DPP9: variants seen among roughly 807,000 people sequenced by gnomAD.
DPP9 encodes dipeptidyl peptidase 9.
In DPP9, 50 loss-of-function variants were observed where a neutral mutation model predicts 110.7. The observed-to-expected ratio is 0.45, with a 90% CI of 0.36 to 0.57. The LOEUF (loss-of-function observed/expected upper bound fraction) is 0.57. DPP9 is among the 20% of genes least tolerant of loss of function. The pLI is 0.00. For missense variants in DPP9, 1,022 were observed against 1,217.9 expected, an observed-to-expected ratio of 0.84 and a Z score of 2.39; for synonymous variants, 561 against 514.4, an observed-to-expected ratio of 1.09 and a Z score of -1.23.
intron 4 of DPP9, among the ~76,000 whole-genome samples, chr19:4,707,568 C>G (rs147300361): frequency 6.7e-6 from 1 of 148,256 alleles, no homozygotes; most frequent in Non-Finnish European, 1.5e-5. Context: ...GACGAAGCCT[C>G]GGATTGGTGC....
rs1474326903 is a variant in DPP9 at position 4,723,671 on chromosome 19, C to T, written c.-89+3G>A. The stretch of plus-strand genomic sequence containing the variant: ...CGGGACGAGGCGCGCGGGCGCTGCT[C>T]ACCGGGACGTGGGGCGGCGGCCGGA... On this transcript the variant is annotated splice_donor_region_variant and intron_variant, in intron 1 of 21. Coordinates refer to ENST00000262960, the MANE Select transcript of DPP9 (RefSeq NM_139159.5). 6.4e-6 allele frequency: 1 copy of T among 157,266 alleles called. No individual in the cohort carries two copies. The highest frequency in any genetic ancestry group is 1.4e-5 in the Non-Finnish European group (1 of 71,412). 9.7% of individuals were successfully genotyped at this position (157,266 alleles called of 1,614,324 possible).
chr19:4,683,068 G>A (rs768914910), intron 19 of DPP9: 182 of 1,489,140 alleles, frequency 1.2e-4, no homozygotes, highest in East Asian at 1.3e-4. Flanking sequence ...CCTCCCCGCC[G>A]CCGCAGAGGG....
intron 10 of DPP9, among the ~76,000 whole-genome samples, chr19:4,699,545 G>A (rs939148048): frequency 1.3e-5 from 2 of 152,168 alleles, no homozygotes; most frequent in African/African-American, 2.4e-5. Context: ...GGCTACGGAG[G>A]AGGGGGCCGA....
intron 9 of DPP9, among the ~76,000 whole-genome samples, chr19:4,701,434 C>T (rs2092247861): frequency 6.6e-6 from 1 of 152,150 alleles, no homozygotes; most frequent in Non-Finnish European, 1.5e-5. Context: ...CACCACTGTA[C>T]TCCTGCCTGA....
rs2088836242 is a variant in DPP9 at position 4,676,431 on chromosome 19, C to T, written c.*133G>A. ...GTCGGGGCGGTGAAGGCAGCGGCTC[C>T]TCGGGGCTGGCCAGCGCTGGGCGGG... is the stretch of plus-strand genomic sequence containing the variant. On this transcript the variant is annotated 3_prime_UTR_variant, in exon 22 of 22. Transcript: ENST00000262960. The surrounding 1 kb of genome is among the most constrained non-coding windows in gnomAD (Gnocchi z 4.0). 3 of 754,088 alleles carry T rather than the reference C, an allele frequency of 4.0e-6. No individual in the cohort carries two copies. Among genetic ancestry groups the T allele is most frequent in the South Asian group, 1.6e-5 (1 of 62,792 alleles). 46.7% of individuals were successfully genotyped at this position (754,088 alleles called of 1,614,324 possible).
chr19:4,703,655 TG>T (rs1390941100), intron 7 of DPP9, among the ~76,000 whole-genome samples: 2 of 145,616 alleles, frequency 1.4e-5, no homozygotes, highest in Admixed American at 6.9e-5. Flanking sequence ...CACTCCCACA[TG>T]GGTGAGACTC....
intron 11 of DPP9, 39 bp downstream of exon 11, chr19:4,697,507 GGCCCT>G (rs1350178866): frequency 1.5e-5 from 24 of 1,556,674 alleles, no homozygotes; most frequent in Admixed American, 1.0e-4. Context: ...CAGGGCCCAG[GGCCCT>G]GCAGGTGAAT....
At chr19:4,702,751 G>A in intron 7 of DPP9, 35 bp from the exon 8 acceptor site, 1 of 1,445,996 alleles carries the variant, frequency 6.9e-7, no homozygotes, top group Non-Finnish European at 9.4e-7. Flanking sequence ...AACAAGGGGT[G>A]AGCAGCCTGC....
chr19:4,694,787 C>G lies in DPP9; in HGVS notation c.1390G>C (p.Gly464Arg), dbSNP rs2091644969. 2 of 1,613,754 alleles carry G rather than the reference C, an allele frequency of 1.2e-6. No homozygotes were observed. Among genetic ancestry groups the G allele is most frequent in the Admixed American group, 3.3e-5 (2 of 59,984 alleles). ...DIFYPFPQSE[G>R]EDELCFLRAN... ...CGGAGAAAGCAGAGCTCGTCCTCTCCCTCTGATTGGGGGAAGGGATAGAAG... is the reference window on the plus strand; with the variant it reads ...CGGAGAAAGCAGAGCTCGTCCTCTCGCTCTGATTGGGGGAAGGGATAGAAG... The change falls in exon 13 of 22, where the codon GGA becomes CGA. Residue 464 changes from glycine to arginine, a missense_variant. Around this residue, in one of 3 missense-constraint regions of DPP9, gnomAD observed 810 missense variants for 920.6 expected, o/e 0.88. Coordinates refer to ENST00000262960, the MANE Select transcript of DPP9 (RefSeq NM_139159.5). The surrounding 1 kb of genome is among the most constrained non-coding windows in gnomAD (Gnocchi z 4.0).
intron 11 of DPP9, among the ~76,000 whole-genome samples, chr19:4,696,889 C>A (rs1351041660): frequency 6.6e-6 from 1 of 152,144 alleles, no homozygotes; most frequent in Admixed American, 6.6e-5. Context: ...GAAAAGTGAA[C>A]AGGCTAAGAG....
intron 14 of DPP9, among the ~76,000 whole-genome samples, chr19:4,690,505 C>T (rs961104673): frequency 3.3e-5 from 5 of 152,218 alleles, no homozygotes; most frequent in Non-Finnish European, 7.3e-5. Flanking sequence ...CATCATGCCC[C>T]ACAACAAGGC....
chr19:4,685,468 A>G lies in DPP9; in HGVS notation c.2031+158T>C, dbSNP rs1341230545. The G allele has an allele frequency of 2.4e-6, 2 of 839,642 alleles. No individual in the cohort carries two copies. The highest frequency in any genetic ancestry group is 3.8e-6 in the Non-Finnish European group (2 of 527,676). The allele number at this position is 839,642 out of a possible 1,614,324, so 52.0% of individuals were successfully genotyped here. On this transcript the variant is annotated intron_variant, in intron 17 of 21. Transcript: ENST00000262960. The surrounding 1 kb of genome is among the most constrained non-coding windows in gnomAD (Gnocchi z 5.8). ...GAAAGGAGGGTGAGGGGCCCCGAGG[A>G]CCCTGTGTAGTCAGGGCAGGCGGGG...
At chr19:4,702,501 G>A (rs371935959) in intron 8 of DPP9, 102 bp downstream of exon 8, 1 of 853,192 alleles carries the variant, frequency 1.2e-6, no homozygotes. Context: ...AGACTGTGGA[G>A]GTGGTTTGAG....
At chr19:4,691,119 C>A (rs1358421684) in intron 13 of DPP9, among the ~76,000 whole-genome samples, 162 bp from the exon 14 acceptor site, 2 of 152,164 alleles carry the variant, frequency 1.3e-5, no homozygotes, top group African/African-American at 4.8e-5. Context: ...GTCAGACCTG[C>A]CACATGGGCA....
At chr19:4,721,065 C>G (rs1001041292) in intron 2 of DPP9, among the ~76,000 whole-genome samples, 1 of 152,086 alleles carries the variant, frequency 6.6e-6, no homozygotes, top group Non-Finnish European at 1.5e-5. Context: ...GATAACCGGC[C>G]CCCCCAGGGG....
At chr19:4,683,015 G>A (rs1362163857) in intron 19 of DPP9, 177 bp from the exon 20 acceptor site, 1 of 1,525,846 alleles carries the variant, frequency 6.6e-7, no homozygotes, top group Non-Finnish European at 8.8e-7. Flanking sequence ...GACGGTGCGT[G>A]GCATGGGGGT....
chr19:4,719,565 C>G (rs896657650), intron 3 of DPP9: 1 of 495,382 alleles, frequency 2.0e-6, no homozygotes, highest in Admixed American at 3.2e-5. Flanking sequence ...GAGGGGAGCT[C>G]CTGGCATGAA....
chr19:4,720,046 C>CG (rs2093252079), intron 2 of DPP9, 105 bp from the exon 3 acceptor site: 9 of 1,009,330 alleles, frequency 8.9e-6, no homozygotes, highest in Non-Finnish European at 1.4e-5. Flanking sequence ...GGCAGCCCCC[C>CG]AAGCCTCCGG....
intron 16 of DPP9, among the ~76,000 whole-genome samples, chr19:4,688,116 A>AT (rs1030114727): frequency 2.3e-4 from 35 of 150,570 alleles, no homozygotes; most frequent in Non-Finnish European, 3.0e-4. Flanking sequence ...TTAATTTTTA[A>AT]TTTTTTTTTA....
Sources: allele counts gnomAD v4.1 joint callset (sites outside exome capture counted in the v4.1 genomes callset), GRCh38; gene constraint gnomAD v4.1.1; regional missense constraint gnomAD v4.1.1; non-coding constraint Gnocchi (gnomAD v3.1); transcripts MANE v1.5; gene names NCBI Gene and HGNC (gene_info 2026-07-23, HGNC 2026-07-21).